The following MARK3 variants were observed in gnomAD, a reference collection of about 807,000 sequenced individuals.
MARK3 encodes the protein MAP/microtubule affinity-regulating kinase 3.
Under a neutral mutation model 90.1 loss-of-function variants are expected in MARK3, and 46 were observed. That is an observed-to-expected ratio of 0.51 (90% CI 0.40 to 0.65). The LOEUF is 0.65. MARK3 is among the 30% of genes least tolerant of loss of function. MARK3 has a pLI of 0.00. For missense variants in MARK3, 818 were observed against 947.2 expected, an observed-to-expected ratio of 0.86 and a Z score of 1.79; for synonymous variants, 321 against 332.6, an observed-to-expected ratio of 0.97 and a Z score of 0.38.
intron 2 of MARK3, chr14:103,412,104 CT>C: frequency 1.1e-6 from 1 of 884,010 alleles, no homozygotes; most frequent in Non-Finnish European, 1.6e-6. Context: ...GCAGTAGAAT[CT>C]TTTCAAATAT....
intron 17 of MARK3, among the ~76,000 whole-genome samples, chr14:103,500,963 G>A (rs1298816001): frequency 6.6e-6 from 1 of 152,116 alleles, no homozygotes; most frequent in Non-Finnish European, 1.5e-5. Flanking sequence ...ATGGATTTGA[G>A]GGGAGGCAAT....
At position 103,399,756 on chromosome 14, in the gene MARK3, A is replaced by G. The variant is rs142501373; in HGVS notation, c.52-5320A>G. Among the ~76,000 whole-genome samples the G allele has an allele frequency of 2.6e-3, 396 of 151,204 alleles. 2 individuals carry two copies. The highest frequency in any genetic ancestry group is 9.2e-3 in the African/African-American group (379 of 41,276). On this transcript the variant is annotated intron_variant, in intron 1 of 17. Coordinates refer to ENST00000429436, the MANE Select transcript of MARK3 (RefSeq NM_001128918.3). Reference sequence around the variant, plus strand: ...AGGAATTTGGAGGTATGCAGCGTCTAGCTTTGGATCAGCAGTTCAGTAATA... The same window carrying G: ...AGGAATTTGGAGGTATGCAGCGTCTGGCTTTGGATCAGCAGTTCAGTAATA...
At chr14:103,414,019 G>T (rs889781662) in intron 2 of MARK3, among the ~76,000 whole-genome samples, 1 of 152,126 alleles carries the variant, frequency 6.6e-6, no homozygotes, top group South Asian at 2.1e-4. Flanking sequence ...AGGTTTTTCT[G>T]TGAACATAAG....
At chr14:103,440,512 A>G (rs2092823291) in intron 3 of MARK3, among the ~76,000 whole-genome samples, 1 of 152,184 alleles carries the variant, frequency 6.6e-6, no homozygotes, top group African/African-American at 2.4e-5. Flanking sequence ...TCACAGGAGA[A>G]TTGCTTGAAC....
chr14:103,487,431 C>A (rs10129621), intron 14 of MARK3, among the ~76,000 whole-genome samples: 4,247 of 151,900 alleles, frequency 0.028, 219 homozygotes, highest in African/African-American at 0.097. Flanking sequence ...CACCCTCTTA[C>A]CATGCTTGTA....
intron 2 of MARK3, among the ~76,000 whole-genome samples, chr14:103,410,146 A>G (rs1045048941): frequency 6.6e-6 from 1 of 152,222 alleles, no homozygotes; most frequent in Non-Finnish European, 1.5e-5. Context: ...ACACAATACC[A>G]GGGACTAGGT....
rs1259649677 is a variant in MARK3, at chr14:103,412,409, G to T, written c.243+7142G>T. The T allele has an allele frequency of 2.2e-5, 13 of 590,658 alleles. No individual in the cohort carries two copies. In the Admixed American group the frequency reaches 2.8e-4, roughly 13 times the overall value. 36.6% of individuals were successfully genotyped at this position (590,658 alleles called of 1,614,324 possible). ...TGTTAGGCCTATGCCGAGGATTCGT[G>T]GGATTTGCTTTATCAGAGACTCTGA... On this transcript the variant is annotated intron_variant, in intron 2 of 17. Transcript: ENST00000429436.
chr14:103,468,981 T>G (rs986814529), intron 12 of MARK3, among the ~76,000 whole-genome samples: 18 of 151,950 alleles, frequency 1.2e-4, no homozygotes, highest in African/African-American at 4.3e-4. Flanking sequence ...TGTAGTTCTA[T>G]TCACTCTCTT....
At chr14:103,425,862 A>G (rs2092386999) in intron 2 of MARK3, among the ~76,000 whole-genome samples, 3 of 152,160 alleles carry the variant, frequency 2.0e-5, no homozygotes, top group South Asian at 4.1e-4. Flanking sequence ...ATTGCTGGAT[A>G]CCTTGTTGCA....
intron 1 of MARK3, among the ~76,000 whole-genome samples, chr14:103,399,937 C>T (rs2090849685): frequency 1.0e-4 from 1 of 9,664 alleles, no homozygotes; most frequent in Admixed American, 1.9e-3. Flanking sequence ...CCCCCACCCT[C>T]CTTTTTTTTT....
chr14:103,450,889 TGTGTGTG>T (rs2093123619), intron 4 of MARK3, among the ~76,000 whole-genome samples: 3 of 32,430 alleles, frequency 9.3e-5, no homozygotes, highest in African/African-American at 2.6e-4. Context: ...TGTGTGTGTG[TGTGTGTG>T]TGTGTGTGTG....
At chr14:103,418,926 A>G (rs946319871) in intron 2 of MARK3, among the ~76,000 whole-genome samples, 1 of 152,120 alleles carries the variant, frequency 6.6e-6, no homozygotes, top group Non-Finnish European at 1.5e-5. Flanking sequence ...TGTTCATTTC[A>G]GTGGTTGTGT....
intron 3 of MARK3, among the ~76,000 whole-genome samples, chr14:103,435,969 C>T (rs2092706545): frequency 6.6e-6 from 1 of 152,094 alleles, no homozygotes; most frequent in Non-Finnish European, 1.5e-5. Context: ...CGGCTCACTG[C>T]AACCCCTGCC....
intron 1 of MARK3, among the ~76,000 whole-genome samples, chr14:103,395,113 GA>G (rs2090498466): frequency 6.6e-6 from 1 of 152,152 alleles, no homozygotes; most frequent in African/African-American, 2.4e-5. Context: ...AGGGATGTGT[GA>G]TGGAAAGAGT....
intron 3 of MARK3, among the ~76,000 whole-genome samples, chr14:103,441,293 T>C (rs1037404213): frequency 1.3e-5 from 2 of 152,144 alleles, no homozygotes; most frequent in African/African-American, 2.4e-5. Context: ...TTTTTTGTTT[T>C]TTTGTTTTTG....
intron 14 of MARK3, among the ~76,000 whole-genome samples, chr14:103,483,036 G>C (rs2093855031): frequency 6.6e-6 from 1 of 152,132 alleles, no homozygotes; most frequent in Non-Finnish European, 1.5e-5. Context: ...TAAAAGACTG[G>C]AAAATTATTG....
intron 15 of MARK3, among the ~76,000 whole-genome samples, chr14:103,495,258 T>C (rs1011639591): frequency 1.3e-5 from 2 of 152,118 alleles, no homozygotes; most frequent in Admixed American, 6.5e-5. Flanking sequence ...ATCAGGTAGA[T>C]CACTCAAGGT....
At chr14:103,501,249 C>T (rs1450743325) in intron 17 of MARK3, among the ~76,000 whole-genome samples, 1 of 152,250 alleles carries the variant, frequency 6.6e-6, no homozygotes, top group African/African-American at 2.4e-5. Context: ...AGGCAGAGCA[C>T]TAGGGTGAGT....
At chr14:103,444,086 C>CTTT (rs10676381) in intron 3 of MARK3, among the ~76,000 whole-genome samples, 32,257 of 115,616 alleles carry the variant, frequency 0.28, 4,952 homozygotes, top group East Asian at 0.44. Context: ...GTAAAATTGT[C>CTTT]TTTTTTTTTT....
Sources: allele counts gnomAD v4.1 joint callset (sites outside exome capture counted in the v4.1 genomes callset), GRCh38; gene constraint gnomAD v4.1.1; transcripts MANE v1.5; gene names NCBI Gene and HGNC (gene_info 2026-07-23, HGNC 2026-07-21).